MBTPS1: variants seen among roughly 807,000 people sequenced by gnomAD.
The protein encoded by MBTPS1 is membrane-bound transcription factor site-1 protease.
Under a neutral mutation model 127.8 loss-of-function variants are expected in MBTPS1, and 94 were observed. The ratio of observed to expected loss-of-function variants is 0.74; its 90% CI spans 0.62 to 0.87. The LOEUF (loss-of-function observed/expected upper bound fraction) is 0.87, where lower values mean the gene tolerates loss of function less well. Among genes scored for constraint, MBTPS1 ranks in the 40% least tolerant of loss-of-function variants. The pLI is 0.00. For synonymous variants in MBTPS1, 632 were observed against 509.4 expected, an observed-to-expected ratio of 1.24 and a Z score of -3.24; for missense variants, 1,636 against 1,353.2, an observed-to-expected ratio of 1.21 and a Z score of -3.28.
chr16:84,100,016 T>C (rs936330922), intron 2 of MBTPS1, among the ~76,000 whole-genome samples: 6 of 152,244 alleles, frequency 3.9e-5, no homozygotes. Context: ...GTGAGACTAT[T>C]TGCTCAGTTC....
intron 2 of MBTPS1, 123 bp from the exon 3 acceptor site, chr16:84,099,433 G>A (rs1173430456): frequency 8.2e-6 from 8 of 972,876 alleles, no homozygotes; most frequent in Non-Finnish European, 1.2e-5. Context: ...GCAGACGAGA[G>A]AAAACACAAA....
intron 11 of MBTPS1, among the ~76,000 whole-genome samples, chr16:84,079,941 A>G (rs930290930): frequency 6.6e-6 from 1 of 152,200 alleles, no homozygotes; most frequent in Non-Finnish European, 1.5e-5. Flanking sequence ...CCGAGTGCCC[A>G]GGTCTTGATT....
At chr16:84,066,347 T>G in intron 17 of MBTPS1, 142 bp downstream of exon 17, 1 of 832,526 alleles carries the variant, frequency 1.2e-6, no homozygotes, top group Non-Finnish European at 1.8e-6. Flanking sequence ...CAGATGTACT[T>G]TTGAAAATAC....
chr16:84,116,007 A>T (rs574466424), intron 1 of MBTPS1, among the ~76,000 whole-genome samples: 1 of 152,158 alleles, frequency 6.6e-6, no homozygotes, highest in Non-Finnish European at 1.5e-5. Flanking sequence ...TAGACATACA[A>T]TTGGAGACCT....
At position 84,066,617 on chromosome 16, in the gene MBTPS1, G is replaced by A. The variant is rs1286034076; in HGVS notation, c.2229-4C>T. ...GGTATCCGGCATCCACCACTGCCTG[G>A]GAAAGTGGTAACAGACACACAGGGA... On this transcript the variant is annotated splice_polypyrimidine_tract_variant and splice_region_variant and intron_variant, in intron 16 of 22. Transcript: ENST00000343411. The A allele has an allele frequency of 6.2e-7, 1 of 1,613,662 alleles. No homozygotes were observed. The highest frequency in any genetic ancestry group is 1.7e-5 in the Admixed American group (1 of 60,000).
intron 1 of MBTPS1, among the ~76,000 whole-genome samples, chr16:84,105,554 C>G (rs916821814): frequency 5.3e-5 from 8 of 152,046 alleles, no homozygotes; most frequent in African/African-American, 1.4e-4. Flanking sequence ...GAGGGAGGAG[C>G]AGAGCATCCC....
intron 19 of MBTPS1, 143 bp downstream of exon 19, chr16:84,063,162 T>C (rs2151142963): frequency 1.2e-6 from 1 of 805,492 alleles, no homozygotes; most frequent in Non-Finnish European, 2.0e-6. Flanking sequence ...GCAATCAAAG[T>C]GACTGCAACA....
At chr16:84,070,089 C>G in intron 13 of MBTPS1, 51 bp from the exon 14 acceptor site, 2 of 1,468,930 alleles carry the variant, frequency 1.4e-6, no homozygotes, top group Non-Finnish European at 1.8e-6. Flanking sequence ...CAGAAAGAAA[C>G]TTTCAGGTTT....
intron 8 of MBTPS1, among the ~76,000 whole-genome samples, chr16:84,089,064 C>T (rs1367150533): frequency 6.6e-6 from 1 of 152,262 alleles, no homozygotes; most frequent in African/African-American, 2.4e-5. Flanking sequence ...TGTGACAAAA[C>T]AGTCCGAACA....
chr16:84,087,638 C>T (rs1454735127), intron 8 of MBTPS1, among the ~76,000 whole-genome samples, 178 bp from the exon 9 acceptor site: 1 of 152,112 alleles, frequency 6.6e-6, no homozygotes, highest in Non-Finnish European at 1.5e-5. Context: ...ACGCATGATC[C>T]TGCCACGTTC....
intron 1 of MBTPS1, among the ~76,000 whole-genome samples, chr16:84,111,746 T>G (rs1421282414): frequency 2.0e-5 from 3 of 152,146 alleles, no homozygotes; most frequent in Non-Finnish European, 4.4e-5. Context: ...TATCCAGAAC[T>G]GTGAGACAGT....
chr16:84,059,502 T>G, intron 20 of MBTPS1, 74 bp from the exon 21 acceptor site: 1 of 1,396,300 alleles, frequency 7.2e-7, no homozygotes, highest in Non-Finnish European at 9.9e-7. Context: ...AAGGAGGGCC[T>G]TATTATGAGT....
In MBTPS1 at chr16:84,054,296, T is replaced by C; in HGVS notation, c.*153A>G. On this transcript the variant is annotated 3_prime_UTR_variant, in exon 23 of 23. Transcript: ENST00000343411. ...TCGATGTACCAGGAGCCTCTGCCCATCACAGGAGGGCAGGCCCATGTAGAA... is the reference window on the plus strand; with the variant it reads ...TCGATGTACCAGGAGCCTCTGCCCACCACAGGAGGGCAGGCCCATGTAGAA... 1.8e-6 allele frequency: 1 copy of C among 552,826 alleles called. No homozygotes were observed. The highest frequency in any genetic ancestry group is 3.0e-6 in the Non-Finnish European group (1 of 335,426). 34.2% of individuals were successfully genotyped at this position (552,826 alleles called of 1,614,324 possible).
chr16:84,098,826 C>T (rs2086214468), intron 3 of MBTPS1, among the ~76,000 whole-genome samples: 1 of 152,038 alleles, frequency 6.6e-6, no homozygotes, highest in African/African-American at 2.4e-5. Flanking sequence ...TTTTCTTCTA[C>T]CAGAACAGTA....
At position 84,068,420 on chromosome 16, in the gene MBTPS1, T is replaced by A. The variant is rs2085722549; in HGVS notation, c.1990A>T (p.Met664Leu). ...CCCATGCTTCTCAGATGCTGGTACA[T>A]ATCCCTGAAATTGGTGTGGATGTGA... ...GDHIHTNFRD[M>L]YQHLRSMGYF... is the part of the protein sequence containing the mutation. The change falls in exon 15 of 23, where the codon ATG becomes TTG. Residue 664 changes from methionine to leucine, a missense_variant. By Grantham distance (15) the Met-to-Leu change is conservative. Coordinates refer to ENST00000343411, the MANE Select transcript of MBTPS1 (RefSeq NM_003791.4). 1 of 1,614,156 alleles carries A rather than the reference T, an allele frequency of 6.2e-7. No homozygotes were observed. Among genetic ancestry groups the A allele is most frequent in the Admixed American group, 1.7e-5 (1 of 60,032 alleles).
rs374579478 is a variant in MBTPS1 at position 84,059,266 on chromosome 16, C to T, written c.2831+36G>A. On this transcript the variant is annotated intron_variant, in intron 21 of 22. Coordinates refer to ENST00000343411, the MANE Select transcript of MBTPS1 (RefSeq NM_003791.4). ...AAGAAAAGCAATGACTCACAAGCCC[C>T]GTGGAAAGAGTGGAAGGGCACAGGC... is the stretch of plus-strand genomic sequence containing the variant. 246 of 1,592,214 alleles carry T rather than the reference C, an allele frequency of 1.5e-4. 1 individual carries two copies. Among genetic ancestry groups the T allele is most frequent in the Non-Finnish European group, 1.8e-4 (208 of 1,165,884 alleles).
intron 4 of MBTPS1, 87 bp downstream of exon 4, chr16:84,095,515 T>C (rs1188495662): frequency 4.2e-6 from 6 of 1,413,630 alleles, no homozygotes; most frequent in Non-Finnish European, 4.9e-6. Context: ...ATGGAATTCC[T>C]GCATGTCTGG....
intron 1 of MBTPS1, among the ~76,000 whole-genome samples, chr16:84,107,095 A>G (rs1409545325): frequency 2.0e-5 from 3 of 152,200 alleles, no homozygotes; most frequent in Non-Finnish European, 4.4e-5. Context: ...CGGGCAATCC[A>G]GTACCTTTTC....
At chr16:84,059,464 C>A in intron 20 of MBTPS1, 36 bp from the exon 21 acceptor site, 1 of 1,596,610 alleles carries the variant, frequency 6.3e-7, no homozygotes, top group South Asian at 1.1e-5. Context: ...AAAGGAAAAT[C>A]ATCTCTATTA....
Sources: gnomAD v4.1 joint callset for allele counts (sites outside exome capture counted in the v4.1 genomes callset) on GRCh38, gnomAD v4.1.1 for gene constraint, MANE v1.5 for transcripts, NCBI Gene and HGNC (gene_info 2026-07-23, HGNC 2026-07-21) for gene names.